CCDC112: variants seen among roughly 807,000 people sequenced by gnomAD.
CCDC112 encodes coiled-coil domain containing 112, also known as coiled-coil domain-containing protein 112.
CCDC112 carries 40 observed loss-of-function variants against 66.3 expected under a neutral mutation model. That is an observed-to-expected ratio of 0.60 (90% confidence interval 0.47 to 0.79). The LOEUF is 0.79. Among genes scored for constraint, CCDC112 ranks in the 30% least tolerant of loss-of-function variants. CCDC112 has a pLI of 0.00. For missense variants in CCDC112, 659 were observed against 603.8 expected, an observed-to-expected ratio of 1.09 and a Z score of -0.96; for synonymous variants, 214 against 197.2, an observed-to-expected ratio of 1.09 and a Z score of -0.71.
rs995014172 is a variant in CCDC112 at position 115,279,513 on chromosome 5, T to C, written c.361+134A>G. On this transcript the variant is annotated intron_variant, in intron 3 of 9. Coordinates refer to ENST00000379611, the MANE Select transcript of CCDC112 (RefSeq NM_001040440.3). Reference sequence around the variant, plus strand: ...ATTTTACCAACTAAAATACAGAGAATATAACACAGTCAATAGAGAACTGAC... The same window carrying C: ...ATTTTACCAACTAAAATACAGAGAACATAACACAGTCAATAGAGAACTGAC... The C allele has an allele frequency of 3.4e-6, 3 of 886,514 alleles. No homozygotes were observed. In the African/African-American group the frequency reaches 5.1e-5, roughly 15 times the overall value. 54.9% of individuals were successfully genotyped at this position (886,514 alleles called of 1,614,324 possible).
chr5:115,296,648 C>T lies in CCDC112; in HGVS notation c.-105G>A. 3.4e-6 allele frequency: 4 copies of T among 1,173,786 alleles called. 1 individual carries two copies. Among genetic ancestry groups the T allele is most frequent in the South Asian group, 4.0e-5 (2 of 50,438 alleles). 72.7% of individuals were successfully genotyped at this position (1,173,786 alleles called of 1,614,324 possible). ...ACAGCTCCCTGCGCTGCGGGCTTGGCCGGGATGCAGGGCGGGGCCGAGATG... is the reference window on the plus strand; with the variant it reads ...ACAGCTCCCTGCGCTGCGGGCTTGGTCGGGATGCAGGGCGGGGCCGAGATG... On this transcript the variant is annotated 5_prime_UTR_variant, in exon 1 of 10. Coordinates refer to ENST00000379611, the MANE Select transcript of CCDC112 (RefSeq NM_001040440.3).
intron 1 of CCDC112, among the ~76,000 whole-genome samples, chr5:115,295,225 G>T (rs1284924240): frequency 6.6e-6 from 1 of 152,152 alleles, no homozygotes; most frequent in Non-Finnish European, 1.5e-5. Flanking sequence ...CATCACAAAA[G>T]TGTGCATCAA....
At position 115,267,838 on chromosome 5, in the gene CCDC112, G is replaced by C. The variant is rs1748799838; in HGVS notation, c.*38C>G. The C allele has an allele frequency of 6.6e-7, 1 of 1,516,100 alleles. No individual in the cohort carries two copies. 93.9% of individuals were successfully genotyped at this position (1,516,100 alleles called of 1,614,324 possible). On this transcript the variant is annotated 3_prime_UTR_variant, in exon 10 of 10. Coordinates refer to ENST00000379611, the MANE Select transcript of CCDC112 (RefSeq NM_001040440.3). ...CTCTCTCCCTGGTATAACTTAGTAT[G>C]TTAACATTCTTATCAACTGAGTAGC... is the stretch of plus-strand genomic sequence containing the variant.
chr5:115,267,817 C>A lies in CCDC112; in HGVS notation c.*59G>T. 4 of 1,312,064 alleles carry A rather than the reference C, an allele frequency of 3.0e-6. No individual in the cohort carries two copies. The highest frequency in any genetic ancestry group is 2.4e-5 in the South Asian group (2 of 84,562). The allele number at this position is 1,312,064 out of a possible 1,614,324, so 81.3% of individuals were successfully genotyped here. A position where few individuals can be genotyped will look rare whatever the true frequency, so the allele number is the denominator to read the frequency against. On this transcript the variant is annotated 3_prime_UTR_variant, in exon 10 of 10. Transcript: ENST00000379611. Reference sequence around the variant, plus strand: ...TTTAAAGAATGTGGTTAGTCACTCTCTCCCTGGTATAACTTAGTATGTTAA... The same window carrying A: ...TTTAAAGAATGTGGTTAGTCACTCTATCCCTGGTATAACTTAGTATGTTAA...
chr5:115,268,585 TCTA>T (rs773319134), intron 9 of CCDC112, among the ~76,000 whole-genome samples: 16 of 150,778 alleles, frequency 1.1e-4, no homozygotes, highest in Admixed American at 4.0e-4. Flanking sequence ...TTTACTTTTA[TCTA>T]CTGTTTATTT....
intron 6 of CCDC112, 39 bp from the exon 7 acceptor site, chr5:115,271,665 A>T: frequency 1.5e-6 from 2 of 1,375,708 alleles, no homozygotes; most frequent in Non-Finnish European, 1.9e-6. Flanking sequence ...AAGAGAAAAA[A>T]GTTTTTTAAT....
At chr5:115,293,527 C>T (rs1255470403) in intron 1 of CCDC112, among the ~76,000 whole-genome samples, 1 of 151,978 alleles carries the variant, frequency 6.6e-6, no homozygotes, top group African/African-American at 2.4e-5. Flanking sequence ...GGGAAGAATC[C>T]ACCCCCTTAC....
intron 2 of CCDC112, among the ~76,000 whole-genome samples, chr5:115,280,990 T>A (rs528510031): frequency 3.3e-5 from 5 of 151,494 alleles, no homozygotes; most frequent in African/African-American, 1.2e-4. Flanking sequence ...TACCGTAGAG[T>A]TTCCCAATCT....
intron 4 of CCDC112, among the ~76,000 whole-genome samples, 182 bp downstream of exon 4, chr5:115,276,783 A>G (rs1749224023): frequency 6.6e-6 from 1 of 152,156 alleles, no homozygotes. Flanking sequence ...GTGTAAACTT[A>G]CTAAATCCTA....
chr5:115,279,665 G>C lies in CCDC112; in HGVS notation c.343C>G (p.His115Asp), dbSNP rs139373580. Residue 115 changes from histidine to aspartate, a missense_variant, in exon 3 of 10, where the codon CAC (histidine) becomes GAC (aspartate). Coordinates refer to ENST00000379611, the MANE Select transcript of CCDC112 (RefSeq NM_001040440.3). ...MLEELENKLI[H>D]SRKTERAKIQ... is the part of the protein sequence containing the mutation. ...AACTTACTTTCTGTTTTCCTGCTGT[G>C]AATCAATTTATTTTCCAATTCTTCT... The C allele has an allele frequency of 6.2e-7, 1 of 1,611,538 alleles. No homozygotes were observed. Among genetic ancestry groups the C allele is most frequent in the African/African-American group, 1.3e-5 (1 of 74,972 alleles).
At chr5:115,296,334 G>T in intron 1 of CCDC112, 93 bp downstream of exon 1, 1 of 1,370,792 alleles carries the variant, frequency 7.3e-7, no homozygotes, top group East Asian at 3.0e-5. Flanking sequence ...CGAACGCCGC[G>T]CCTCCCGCCG....
rs1303378907 is a variant in CCDC112, at chr5:115,296,560, A to C, written c.-17T>G. On this transcript the variant is annotated 5_prime_UTR_variant, in exon 1 of 10. Coordinates refer to ENST00000379611, the MANE Select transcript of CCDC112 (RefSeq NM_001040440.3). ...TGCGGCCATGTTTACCCGCCGAGCTACTCGGGCCGCGGCGGCCACCGGTGC... is the reference window on the plus strand; with the variant it reads ...TGCGGCCATGTTTACCCGCCGAGCTCCTCGGGCCGCGGCGGCCACCGGTGC... The C allele has an allele frequency of 6.9e-7, 1 of 1,458,246 alleles. No homozygotes were observed. Among genetic ancestry groups the C allele is most frequent in the East Asian group, 2.8e-5 (1 of 35,586 alleles). The allele number at this position is 1,458,246 out of a possible 1,614,324, so 90.3% of individuals were successfully genotyped here.
chr5:115,267,857 G>T lies in CCDC112; in HGVS notation c.*19C>A. The T allele has an allele frequency of 6.3e-7, 1 of 1,595,492 alleles. No individual in the cohort carries two copies. Among genetic ancestry groups the T allele is most frequent in the South Asian group, 1.1e-5 (1 of 90,676 alleles). Reference sequence around the variant, plus strand: ...TAGTATGTTAACATTCTTATCAACTGAGTAGCAATTTGATTATCTCATACT... The same window carrying T: ...TAGTATGTTAACATTCTTATCAACTTAGTAGCAATTTGATTATCTCATACT... On this transcript the variant is annotated 3_prime_UTR_variant, in exon 10 of 10. Coordinates refer to ENST00000379611, the MANE Select transcript of CCDC112 (RefSeq NM_001040440.3).
chr5:115,289,418 G>A (rs1379629334), intron 1 of CCDC112: 1 of 152,684 alleles, frequency 6.5e-6, no homozygotes, highest in African/African-American at 2.4e-5. Context: ...CTACCTGGCT[G>A]TTGCCGCTCC....
At chr5:115,293,543 T>C (rs1750024188) in intron 1 of CCDC112, among the ~76,000 whole-genome samples, 1 of 152,172 alleles carries the variant, frequency 6.6e-6, no homozygotes, top group South Asian at 2.1e-4. Context: ...CTTACCTTTT[T>C]TTCCAGCATC....
Position 115,275,622 on chromosome 5 carries a change from TAA to T in CCDC112, c.528-18_528-17del. 1 of 1,503,496 alleles carries T rather than the reference TAA, an allele frequency of 6.7e-7. No individual in the cohort carries two copies. Among genetic ancestry groups the T allele is most frequent in the African/African-American group, 1.4e-5 (1 of 70,796 alleles). The allele number at this position is 1,503,496 out of a possible 1,614,324, so 93.1% of individuals were successfully genotyped here. A position where few individuals can be genotyped will look rare whatever the true frequency, so the allele number is the denominator to read the frequency against. ...CTCTTCATATCTAAAATTTTAAAAA[TAA>T]AGTTTGAATAAGAAGACAATCCATA... On this transcript the variant is annotated splice_polypyrimidine_tract_variant and intron_variant, in intron 5 of 9. Coordinates refer to ENST00000379611, the MANE Select transcript of CCDC112 (RefSeq NM_001040440.3).
At chr5:115,275,713 C>T in intron 5 of CCDC112, 107 bp from the exon 6 acceptor site, 2 of 787,970 alleles carry the variant, frequency 2.5e-6, no homozygotes. Flanking sequence ...CTCCACTTAA[C>T]ATTATTAACA....
At chr5:115,293,353 T>C (rs1750017141) in intron 1 of CCDC112, among the ~76,000 whole-genome samples, 1 of 152,228 alleles carries the variant, frequency 6.6e-6, no homozygotes, top group African/African-American at 2.4e-5. Flanking sequence ...AGTGAGGTGA[T>C]AGATATGTTA....
chr5:115,290,677 T>G (rs1041758428), intron 1 of CCDC112, among the ~76,000 whole-genome samples: 2 of 152,228 alleles, frequency 1.3e-5, no homozygotes, highest in African/African-American at 2.4e-5. Context: ...TTATAGGTTT[T>G]AGAGAATAAG....
Sources: allele counts gnomAD v4.1 joint callset (sites outside exome capture counted in the v4.1 genomes callset), GRCh38; gene constraint gnomAD v4.1.1; transcripts MANE v1.5; gene names NCBI Gene and HGNC (gene_info 2026-07-23, HGNC 2026-07-21).